Variants in SPATA17 observed in about 807,000 individuals in gnomAD.
SPATA17 encodes spermatogenesis associated 17, also known as spermatogenesis-associated protein 17.
Under a neutral mutation model 62.2 loss-of-function variants are expected in SPATA17, and 53 were observed. The observed-to-expected ratio is 0.85, with a 90% CI of 0.68 to 1.07. SPATA17 has a LOEUF of 1.07. Ranked by LOEUF, SPATA17 falls within the 50% of genes least tolerant of loss-of-function variation. The pLI is 0.00. For synonymous variants in SPATA17, 146 were observed against 146.8 expected (o/e 0.99, Z 0.04); for missense variants, 466 against 425.5 (o/e 1.10, Z -0.84).
Position 217,771,557 on chromosome 1 carries a change from G to A in SPATA17, c.520-2777G>A, listed in dbSNP as rs192252661. Among the ~76,000 whole-genome samples the A allele has an allele frequency of 2.6e-5, 4 of 152,084 alleles. No individual in the cohort carries two copies. The East Asian group carries it at 7.7e-4, about 29-fold the overall frequency. On this transcript the variant is annotated intron_variant, in intron 6 of 10. Transcript: ENST00000366933. ...ATACTGCATCAATATAAATAAATAG[G>A]GTATTTGCCTGCTCTAGGGATTGTG...
At chr1:217,726,344 T>C (rs2102937939) in intron 5 of SPATA17, among the ~76,000 whole-genome samples, 1 of 152,330 alleles carries the variant, frequency 6.6e-6, no homozygotes, top group East Asian at 1.9e-4. Flanking sequence ...AAGCTACTTT[T>C]CCTCATTCTC....
At chr1:217,709,470 C>G (rs1247516722) in intron 5 of SPATA17, among the ~76,000 whole-genome samples, 1 of 151,850 alleles carries the variant, frequency 6.6e-6, no homozygotes, top group African/African-American at 2.4e-5. Flanking sequence ...CCATATGGAT[C>G]TTACCATCAG....
intron 4 of SPATA17, among the ~76,000 whole-genome samples, chr1:217,682,354 T>C (rs560858548): frequency 6.7e-6 from 1 of 150,374 alleles, no homozygotes; most frequent in East Asian, 1.9e-4. Flanking sequence ...CCCCTAACAT[T>C]CCTCTCATCC....
At position 217,703,170 on chromosome 1, in the gene SPATA17, C is replaced by T. The variant is rs1052754119; in HGVS notation, c.395+19809C>T. On this transcript the variant is annotated intron_variant, in intron 5 of 10. Coordinates refer to ENST00000366933, the MANE Select transcript of SPATA17 (RefSeq NM_138796.4). ...GATTACAGGCGTGAGCCATTGCGCT[C>T]GGCCTTTTTTTTTTTTTTGAAATGG... Among the ~76,000 whole-genome samples, 76 of 89,852 alleles carry T rather than the reference C, an allele frequency of 8.5e-4. 4 individuals are homozygous for T. The highest frequency in any genetic ancestry group is 6.9e-5 in the Non-Finnish European group (3 of 43,714). The allele number at this position is 89,852 out of a possible 152,430, so 58.9% of individuals were successfully genotyped here.
chr1:217,809,332 A>G (rs1413328212), intron 9 of SPATA17, among the ~76,000 whole-genome samples: 3 of 152,168 alleles, frequency 2.0e-5, no homozygotes, highest in Non-Finnish European at 4.4e-5. Context: ...ACAAACCTAA[A>G]TGTTGATGAT....
At chr1:217,704,911 T>C (rs1283285393) in intron 5 of SPATA17, among the ~76,000 whole-genome samples, 1 of 152,174 alleles carries the variant, frequency 6.6e-6, no homozygotes, top group Non-Finnish European at 1.5e-5. Context: ...TTCCTTTGGG[T>C]ATATACCCAA....
chr1:217,700,750 T>C (rs1366927521), intron 5 of SPATA17, among the ~76,000 whole-genome samples: 1 of 125,776 alleles, frequency 8.0e-6, no homozygotes, highest in Admixed American at 7.9e-5. Context: ...CCATGGCTAA[T>C]TTTTTCTTTT....
intron 9 of SPATA17, among the ~76,000 whole-genome samples, chr1:217,851,118 TTC>T (rs534858835): frequency 8.3e-4 from 127 of 152,280 alleles, no homozygotes; most frequent in African/African-American, 2.7e-3. Flanking sequence ...TTCTTTTTAC[TTC>T]TGTTACTAGT....
At chr1:217,743,937 C>T (rs1367380475) in intron 6 of SPATA17, among the ~76,000 whole-genome samples, 1 of 151,932 alleles carries the variant, frequency 6.6e-6, no homozygotes, top group African/African-American at 2.4e-5. Context: ...TTTAACTGAA[C>T]ATTTGTTAAT....
At chr1:217,853,460 C>T (rs1675709397) in intron 9 of SPATA17, among the ~76,000 whole-genome samples, 1 of 152,048 alleles carries the variant, frequency 6.6e-6, no homozygotes, top group South Asian at 2.1e-4. Flanking sequence ...CATTTAGTGG[C>T]TTGTTCAATG....
chr1:217,738,305 A>G (rs990484399), intron 5 of SPATA17, among the ~76,000 whole-genome samples: 1 of 152,212 alleles, frequency 6.6e-6, no homozygotes, highest in African/African-American at 2.4e-5. Flanking sequence ...TCCATGCTCT[A>G]TATTGTGTAA....
At chr1:217,844,836 C>T (rs1189568551) in intron 9 of SPATA17, among the ~76,000 whole-genome samples, 5 of 151,940 alleles carry the variant, frequency 3.3e-5, no homozygotes, top group Non-Finnish European at 7.4e-5. Flanking sequence ...TCATGATTAT[C>T]AATTAGTATT....
intron 5 of SPATA17, among the ~76,000 whole-genome samples, chr1:217,712,484 A>G (rs903659398): frequency 6.6e-6 from 1 of 151,768 alleles, no homozygotes; most frequent in Non-Finnish European, 1.5e-5. Flanking sequence ...TCTTTTCTTT[A>G]TCCTTCATGA....
At chr1:217,866,846 T>G (rs1280566264) in intron 10 of SPATA17, 176 bp from the exon 11 acceptor site, 1 of 151,922 alleles carries the variant, frequency 6.6e-6, no homozygotes, top group South Asian at 2.1e-4. Context: ...GTTCCTTTTT[T>G]TTTTTTTTTC....
chr1:217,785,467 G>A (rs992885509), intron 8 of SPATA17, among the ~76,000 whole-genome samples: 1 of 152,024 alleles, frequency 6.6e-6, no homozygotes, highest in Admixed American at 6.6e-5. Context: ...AGCAAAGGGG[G>A]AAGTGCCACA....
intron 2 of SPATA17, among the ~76,000 whole-genome samples, chr1:217,650,638 G>T (rs1336786996): frequency 1.3e-5 from 2 of 151,958 alleles, no homozygotes; most frequent in Non-Finnish European, 2.9e-5. Flanking sequence ...TGGCCAGGCT[G>T]GTCTCAAACT....
chr1:217,748,863 C>T (rs1236482505), intron 6 of SPATA17, among the ~76,000 whole-genome samples: 2 of 151,838 alleles, frequency 1.3e-5, no homozygotes, highest in African/African-American at 2.4e-5. Flanking sequence ...CGTGATTATT[C>T]ACTTTTATTT....
chr1:217,811,961 G>A lies in SPATA17; in HGVS notation c.1005+10111G>A, dbSNP rs142850336. 2.2e-3 allele frequency among the ~76,000 whole-genome samples: 334 copies of A among 152,148 alleles called. 2 individuals are homozygous for A. Among genetic ancestry groups the A allele is most frequent in the African/African-American group, 6.6e-3 (275 of 41,516 alleles). ...ATTGGTGGATTAGAGAAAATCTTAGGGAGACTAGAGACGTCACGTTCAAAA... is the reference window on the plus strand; with the variant it reads ...ATTGGTGGATTAGAGAAAATCTTAGAGAGACTAGAGACGTCACGTTCAAAA... On this transcript the variant is annotated intron_variant, in intron 9 of 10. Transcript: ENST00000366933.
At chr1:217,679,217 C>G (rs149507659) in intron 4 of SPATA17, among the ~76,000 whole-genome samples, 1 of 152,160 alleles carries the variant, frequency 6.6e-6, no homozygotes, top group African/African-American at 2.4e-5. Context: ...TCTCTTTATA[C>G]AATATATATG....
Sources: gnomAD v4.1 joint callset for allele counts (sites outside exome capture counted in the v4.1 genomes callset) on GRCh38, gnomAD v4.1.1 for gene constraint, MANE v1.5 for transcripts, NCBI Gene and HGNC (gene_info 2026-07-23, HGNC 2026-07-21) for gene names.